IL17REL: variants seen among roughly 807,000 people sequenced by gnomAD.
IL17REL encodes interleukin 17 receptor E like.
A neutral mutation model predicts 49.0 loss-of-function variants in IL17REL; 36 were observed. The ratio of observed to expected loss-of-function variants is 0.73; its 90% CI spans 0.56 to 0.97. The LOEUF is 0.97. Among genes scored for constraint, IL17REL ranks in the 50% least tolerant of loss-of-function variants. The pLI, the probability that IL17REL is intolerant of heterozygous loss-of-function variation, is 0.00. For synonymous variants in IL17REL, 206 were observed against 192.4 expected, an observed-to-expected ratio of 1.07 and a Z score of -0.58; for missense variants, 470 against 453.9, an observed-to-expected ratio of 1.04 and a Z score of -0.32.
At chr22:50,010,713 G>A (rs919878251), upstream of IL17REL, among the ~76,000 whole-genome samples, 1 of 152,134 alleles carries the variant, frequency 6.6e-6, no homozygotes, top group Non-Finnish European at 1.5e-5. Flanking sequence ...TGCAGGAGAA[G>A]CCGCTGTCGG....
exon 4 of IL17REL, chr22:50,000,511 C>T (rs774797196): frequency 1.3e-5 from 21 of 1,613,432 alleles, no homozygotes; most frequent in Non-Finnish European, 2.5e-6. Flanking sequence ...AGCTGGACCC[C>T]GCAGAAATGA....
At chr22:50,003,305 T>C (rs1331203417) in intron 1 of IL17REL, among the ~76,000 whole-genome samples, 1 of 151,880 alleles carries the variant, frequency 6.6e-6, no homozygotes, top group Admixed American at 6.6e-5. Context: ...GCGGATCACC[T>C]GAGATCAGGA....
At chr22:50,009,074 G>A (rs2061124766), upstream of IL17REL, 1 of 152,188 alleles carries the variant, frequency 6.6e-6, no homozygotes, top group Non-Finnish European at 1.5e-5. Context: ...CTAAAATAAA[G>A]GGGTGGGAAA....
intron 7 of IL17REL, among the ~76,000 whole-genome samples, chr22:49,998,943 G>A (rs4838838): frequency 0.33 from 50,716 of 151,694 alleles, 8,650 homozygotes; most frequent in Middle Eastern, 0.48. Flanking sequence ...ATGTGTATGG[G>A]CGTGTATGTT....
rs1167302522 is a variant in IL17REL, at chr22:50,004,698, TA to T, written c.-41-3468del. On this transcript the variant is annotated intron_variant, in intron 1 of 12. Transcript: ENST00000341280. ...CAACATGGTGAAACCCTGTCTCTAC[TA>T]AAAATACAAAAATTTGCCAGGTGTG... Among the ~76,000 whole-genome samples the T allele has an allele frequency of 2.6e-5, 4 of 151,286 alleles. No individual in the cohort carries two copies. The South Asian group carries it at 6.3e-4, about 24-fold the overall frequency.
At chr22:50,000,423 G>A (rs1490671404) in intron 4 of IL17REL, 55 bp downstream of exon 5, 7 of 1,375,188 alleles carry the variant, frequency 5.1e-6, no homozygotes, top group African/African-American at 1.4e-5. Context: ...CCCACCCCAA[G>A]CCAGGCCCTG....
Position 49,999,811 on chromosome 22 carries a change from G to T in IL17REL, c.474+17C>A. The T allele has an allele frequency of 1.3e-6, 2 of 1,487,690 alleles. No homozygotes were observed. Among genetic ancestry groups the T allele is most frequent in the Non-Finnish European group, 1.8e-6 (2 of 1,117,402 alleles). 92.2% of individuals were successfully genotyped at this position (1,487,690 alleles called of 1,614,324 possible). On this transcript the variant is annotated intron_variant, in intron 5 of 12. Coordinates refer to ENST00000341280, the Ensembl canonical transcript of IL17REL. Reference sequence around the variant, plus strand: ...CGGGGCCTAAGGCTGACCGGGGCCCGGGGCGCGGGCGCTCACTCGCACAGG... The same window carrying T: ...CGGGGCCTAAGGCTGACCGGGGCCCTGGGCGCGGGCGCTCACTCGCACAGG...
intron 1 of IL17REL, among the ~76,000 whole-genome samples, chr22:50,007,545 G>GC (rs2061116691): frequency 7.9e-6 from 1 of 126,320 alleles, no homozygotes; most frequent in African/African-American, 3.2e-5. Flanking sequence ...TAATTTTTTT[G>GC]GGGGGGGGAT....
intron 12 of IL17REL, 41 bp from the exon 15 acceptor site, chr22:49,996,901 TC>T: frequency 1.5e-6 from 1 of 656,400 alleles, no homozygotes; most frequent in Admixed American, 3.2e-5. Flanking sequence ...GCCTCCTGCT[TC>T]CCCCGGGGAT....
upstream of IL17REL, among the ~76,000 whole-genome samples, chr22:50,009,238 C>T (rs900629939): frequency 3.3e-5 from 5 of 151,888 alleles, no homozygotes; most frequent in East Asian, 1.9e-4. Flanking sequence ...GGGGGCATGC[C>T]GTGCAGTGAA....
intron 1 of IL17REL, 33 bp downstream of exon 2, chr22:50,008,604 C>A (rs1427334654): frequency 6.6e-6 from 1 of 152,500 alleles, no homozygotes; most frequent in Non-Finnish European, 1.5e-5. Context: ...GAGTCCAGGC[C>A]CTGAGCATCC....
At chr22:50,000,689 G>T in intron 3 of IL17REL, 65 bp downstream of exon 4, 1 of 1,543,458 alleles carries the variant, frequency 6.5e-7, no homozygotes, top group African/African-American at 1.4e-5. Context: ...AGCCAGGGAT[G>T]GCGCCCAGGA....
chr22:50,005,730 G>A (rs1192764607), intron 1 of IL17REL, among the ~76,000 whole-genome samples: 3 of 151,964 alleles, frequency 2.0e-5, no homozygotes, highest in African/African-American at 4.8e-5. Context: ...CCTTGAATCC[G>A]GGAGGCGGAA....
At chr22:49,997,157 C>A (rs1048832424) in intron 11 of IL17REL, 83 bp from the exon 14 acceptor site, 34 of 1,443,770 alleles carry the variant, frequency 2.4e-5, no homozygotes, top group Non-Finnish European at 3.0e-5. Flanking sequence ...ATCCTCTCAG[C>A]ACCCACAAAG....
At chr22:49,997,280 C>A in intron 11 of IL17REL, 40 bp downstream of exon 13, 1 of 1,588,678 alleles carries the variant, frequency 6.3e-7, no homozygotes, top group South Asian at 1.1e-5. Flanking sequence ...CCGCCACCAC[C>A]CCCACCTCCC....
At chr22:50,001,100 C>A in exon 2 of IL17REL, 1 of 1,592,218 alleles carries the variant, frequency 6.3e-7, no homozygotes. Context: ...GTGATGGAGG[C>A]GCGTACACGC....
At chr22:50,012,285 C>T (rs566078493), upstream of IL17REL, among the ~76,000 whole-genome samples, 2 of 152,362 alleles carry the variant, frequency 1.3e-5, no homozygotes, top group South Asian at 2.1e-4. Context: ...TAGATTCTAA[C>T]ACAGCCTCCT....
intron 1 of IL17REL, among the ~76,000 whole-genome samples, chr22:50,003,666 C>T (rs1293980269): frequency 6.6e-6 from 1 of 151,998 alleles, no homozygotes; most frequent in African/African-American, 2.4e-5. Context: ...CAAAATTCAC[C>T]ATCCATTCCC....
intron 2 of IL17REL, 93 bp downstream of exon 3, chr22:50,000,989 C>T (rs34833358): frequency 7.8e-7 from 1 of 1,273,960 alleles, no homozygotes; most frequent in Admixed American, 2.3e-5. Context: ...CCCTCCCTCA[C>T]CAGGCCGCCC....
Sources: gnomAD v4.1 joint callset for allele counts (sites outside exome capture counted in the v4.1 genomes callset) on GRCh38, gnomAD v4.1.1 for gene constraint, MANE v1.5 for transcripts, NCBI Gene and HGNC (gene_info 2026-07-23, HGNC 2026-07-21) for gene names.